Variants in REV3L observed in about 807,000 individuals in gnomAD.
The protein encoded by REV3L is REV3 like, DNA directed polymerase zeta catalytic subunit.
In REV3L, 69 loss-of-function variants were observed where a neutral mutation model predicts 299.4. That is an observed-to-expected ratio of 0.23 (90% CI 0.19 to 0.28). REV3L has a LOEUF of 0.28. Ranked by LOEUF, REV3L falls within the 10% of genes least tolerant of loss-of-function variation. The pLI is 1.00. For synonymous variants in REV3L, 1,238 were observed against 1,271.4 expected (o/e 0.97, Z 0.56); for missense variants, 3,128 against 3,693.8 (o/e 0.85, Z 3.97).
In REV3L at chr6:111,422,581, T is replaced by C. The variant is rs1175263881; in HGVS notation, c.140-6109A>G. 5.1e-4 allele frequency among the ~76,000 whole-genome samples: 20 copies of C among 39,420 alleles called. 3 individuals are homozygous for C. The highest frequency in any genetic ancestry group is 2.3e-3 in the East Asian group (4 of 1,768). 25.9% of individuals were successfully genotyped at this position (39,420 alleles called of 152,430 possible). A position where few individuals can be genotyped will look rare whatever the true frequency, so the allele number is the denominator to read the frequency against. On this transcript the variant is annotated intron_variant, in intron 1 of 31. Transcript: ENST00000368802. ...TGATTCTTTTATATATATATACACA[T>C]ATATATATATATACACATATATATA...
intron 1 of REV3L, chr6:111,430,858 A>G (rs929271387): frequency 4.4e-6 from 7 of 1,605,724 alleles, no homozygotes; most frequent in Non-Finnish European, 8.5e-7. Flanking sequence ...GAAGAAAACC[A>G]GACGGAACAA....
chr6:111,341,762 G>T (rs1030849383), intron 21 of REV3L, among the ~76,000 whole-genome samples: 7 of 151,856 alleles, frequency 4.6e-5, no homozygotes, highest in South Asian at 2.1e-4. Flanking sequence ...GAGTTGGGGG[G>T]GGTCAGAAGT....
rs1340379494 is a variant in REV3L at position 111,373,583 on chromosome 6, T to A, written c.4772A>T (p.Gln1591Leu). 6.2e-7 allele frequency: 1 copy of A among 1,614,038 alleles called. No homozygotes were observed. The highest frequency in any genetic ancestry group is 1.1e-5 in the South Asian group (1 of 91,072). ...RKPRTPRSTK[Q>L]KEKIPKLLKV... ...GAGAAGTTTGGGGATTTTTTCTTTT[T>A]GTTTTGTACTTCTGGGAGTTCGAGG... The change falls in exon 13 of 32, where the codon CAA becomes CTA. Residue 1591 changes from glutamine (Q) to leucine (L), a missense_variant. By Grantham distance (113) the Gln-to-Leu change is moderately radical. Transcript: ENST00000368802.
rs772715316 is a variant in REV3L, at chr6:111,387,775, C to CTCT, written c.1083_1085dup (p.Glu362dup). ...AAAAGAAAATCTTACCTTTGCTTGACTCTTTGTCTTTGTGAACTTCTACCA... is the reference window on the plus strand; with the variant it reads ...AAAAGAAAATCTTACCTTTGCTTGACTCTTCTTTGTCTTTGTGAACTTCTACCA... On this transcript the variant is annotated inframe_insertion, in exon 9 of 32. Transcript: ENST00000368802. The CTCT allele has an allele frequency of 6.2e-7, 1 of 1,613,842 alleles. No homozygotes were observed. Among genetic ancestry groups the CTCT allele is most frequent in the African/African-American group, 1.3e-5 (1 of 75,024 alleles).
intron 26 of REV3L, among the ~76,000 whole-genome samples, chr6:111,320,217 C>T (rs1475262920): frequency 2.0e-5 from 3 of 152,104 alleles, no homozygotes; most frequent in Admixed American, 1.3e-4. Flanking sequence ...TACAGGCATG[C>T]GCCATCACGC....
chr6:111,313,412 T>C lies in REV3L; in HGVS notation c.8544A>G (p.Pro2848=). The change falls in exon 28 of 32, where the codon CCA becomes CCG. Residue 2848 remains proline, a synonymous_variant. Transcript: ENST00000368802. ...YMYETLDQKD[P]VFDAKGIETV... Reference sequence around the variant, plus strand: ...TTTCTATTCCTTTTGCATCAAATACTGGGTCCTTCTGATCCAGTGTTTCAT... The same window carrying C: ...TTTCTATTCCTTTTGCATCAAATACCGGGTCCTTCTGATCCAGTGTTTCAT... The C allele has an allele frequency of 1.2e-6, 2 of 1,613,652 alleles. No homozygotes were observed. Among genetic ancestry groups the C allele is most frequent in the South Asian group, 2.2e-5 (2 of 91,024 alleles).
At chr6:111,472,939 T>G (rs1792425852) in intron 1 of REV3L, among the ~76,000 whole-genome samples, 1 of 152,160 alleles carries the variant, frequency 6.6e-6, no homozygotes, top group African/African-American at 2.4e-5. Context: ...TTATTTCTAA[T>G]TGCCTAAGAC....
intron 4 of REV3L, among the ~76,000 whole-genome samples, chr6:111,399,531 T>G (rs1055662690): frequency 6.6e-6 from 1 of 152,200 alleles, no homozygotes; most frequent in Non-Finnish European, 1.5e-5. Context: ...CTGCATTCAG[T>G]TGCCATGTCT....
rs535243781 is a variant in REV3L at position 111,474,713 on chromosome 6, G to A, written c.139+8037C>T. On this transcript the variant is annotated intron_variant, in intron 1 of 31. Transcript: ENST00000368802. The stretch of plus-strand genomic sequence containing the variant: ...CTAACAATAACTAAAGTTAAAAACA[G>A]TATTGCAGTAATCATTTGTTTGTAA... Among the ~76,000 whole-genome samples the A allele has an allele frequency of 4.9e-4, 74 of 152,250 alleles. 3 individuals carry two copies. The highest frequency in any genetic ancestry group is 1.5e-3 in the South Asian group (7 of 4,824).
intron 4 of REV3L, among the ~76,000 whole-genome samples, chr6:111,394,434 TTC>T (rs1782259704): frequency 6.6e-6 from 1 of 152,354 alleles, no homozygotes; most frequent in East Asian, 1.9e-4. Flanking sequence ...TTTGTATGTC[TTC>T]TTTTTTGAGA....
At chr6:111,424,866 C>T (rs1340368275) in intron 1 of REV3L, among the ~76,000 whole-genome samples, 1 of 152,130 alleles carries the variant, frequency 6.6e-6, no homozygotes, top group Admixed American at 6.5e-5. Flanking sequence ...GAAATTTTAC[C>T]AGTTGGGTCT....
At chr6:111,370,017 G>C (rs369801514) in intron 13 of REV3L, among the ~76,000 whole-genome samples, 2 of 152,036 alleles carry the variant, frequency 1.3e-5, no homozygotes, top group South Asian at 4.1e-4. Context: ...ATTTTTAGTA[G>C]AGATGGGGTT....
rs1177312452 is a variant in REV3L, at chr6:111,375,073, A to G, written c.3282T>C (p.Ala1094=). 2 of 1,613,912 alleles carry G rather than the reference A, an allele frequency of 1.2e-6. No individual in the cohort carries two copies. Among genetic ancestry groups the G allele is most frequent in the African/African-American group, 2.7e-5 (2 of 74,928 alleles). ...AATTCAGGTCACAATCTTCGGTTTC[A>G]GCATTGTAAGATGGTGAGGGAGGAG... is the stretch of plus-strand genomic sequence containing the variant. ...ILSPPSPSYN[A]ETEDCDLNYS... is the part of the protein sequence containing the mutation. The change falls in exon 13 of 32, where the codon GCT becomes GCC. Residue 1094 remains alanine, a synonymous_variant. Transcript: ENST00000368802.
chr6:111,367,045 A>G (rs1358362326), intron 14 of REV3L, 70 bp downstream of exon 14: 7 of 1,248,980 alleles, frequency 5.6e-6, no homozygotes, highest in Middle Eastern at 2.0e-4. Flanking sequence ...TTTTCATTAC[A>G]GTCTAATGTT....
At chr6:111,426,120 C>G (rs1207152001) in intron 1 of REV3L, among the ~76,000 whole-genome samples, 4 of 152,180 alleles carry the variant, frequency 2.6e-5, no homozygotes, top group Non-Finnish European at 5.9e-5. Context: ...CCATTTGTGG[C>G]TGGTGTCTGA....
chr6:111,305,098 C>T (rs1468041728), intron 31 of REV3L, among the ~76,000 whole-genome samples: 5 of 151,936 alleles, frequency 3.3e-5, no homozygotes, highest in African/African-American at 9.7e-5. Context: ...TGTGCCACCA[C>T]GCCTGGCTAA....
chr6:111,421,765 G>A (rs1451547636), intron 1 of REV3L, among the ~76,000 whole-genome samples: 1 of 151,966 alleles, frequency 6.6e-6, no homozygotes, highest in African/African-American at 2.4e-5. Context: ...AACAAACCTC[G>A]ACAGAGCTAT....
intron 2 of REV3L, 36 bp from the exon 3 acceptor site, chr6:111,411,590 A>G: frequency 7.5e-7 from 1 of 1,326,576 alleles, no homozygotes; most frequent in Non-Finnish European, 1.1e-6. Context: ...AATTATTTTC[A>G]TAATTCAGAG....
rs146371413 is a variant in REV3L, at chr6:111,409,703, A to G, written c.404+1777T>C. Among the ~76,000 whole-genome samples the G allele has an allele frequency of 4.0e-3, 608 of 152,298 alleles. 3 individuals are homozygous for G. The highest frequency in any genetic ancestry group is 0.014 in the African/African-American group (582 of 41,564). ...GACAATTAACTAGAAAAAAGTAGACATACAGCACGCAGGGAAGGGTCTGGG... is the reference window on the plus strand; with the variant it reads ...GACAATTAACTAGAAAAAAGTAGACGTACAGCACGCAGGGAAGGGTCTGGG... On this transcript the variant is annotated intron_variant, in intron 3 of 31. Transcript: ENST00000368802.
Sources: allele counts gnomAD v4.1 joint callset (sites outside exome capture counted in the v4.1 genomes callset), GRCh38; gene constraint gnomAD v4.1.1; transcripts MANE v1.5; gene names NCBI Gene and HGNC (gene_info 2026-07-23, HGNC 2026-07-21).